LINGO2: variants seen among roughly 807,000 people sequenced by gnomAD.
The protein encoded by LINGO2 is leucine-rich repeat and immunoglobulin-like domain-containing nogo receptor-interacting protein 2.
Under a neutral mutation model 30.6 loss-of-function variants are expected in LINGO2, and 14 were observed. The observed-to-expected ratio is 0.46, with a 90% CI of 0.30 to 0.72. The LOEUF (loss-of-function observed/expected upper bound fraction) is 0.72. LINGO2 is among the 30% of genes least tolerant of loss of function. The pLI is 0.07. For missense variants in LINGO2, 729 were observed against 751.7 expected (o/e 0.97, Z 0.35); for synonymous variants, 317 against 288.5 (o/e 1.10, Z -1.00).
chr9:28,552,820 T>G (rs1277030210), intron 1 of LINGO2, among the ~76,000 whole-genome samples: 1 of 151,734 alleles, frequency 6.6e-6, no homozygotes, highest in Non-Finnish European at 1.5e-5. Flanking sequence ...TGGAACAGCT[T>G]TTCAACTTTA....
chr9:28,158,651 T>C (rs1828202284), intron 4 of LINGO2, among the ~76,000 whole-genome samples: 1 of 152,070 alleles, frequency 6.6e-6, no homozygotes, highest in Non-Finnish European at 1.5e-5. Flanking sequence ...TGTTATGATA[T>C]CCCTAGGGTA....
chr9:27,977,732 T>C (rs1820668802), intron 5 of LINGO2, among the ~76,000 whole-genome samples: 1 of 151,516 alleles, frequency 6.6e-6, no homozygotes, highest in African/African-American at 2.4e-5. Context: ...AGCCTGAATA[T>C]GTCACTACCC....
intron 1 of LINGO2, among the ~76,000 whole-genome samples, chr9:28,571,693 A>G (rs1823702825): frequency 6.6e-6 from 1 of 152,018 alleles, no homozygotes; most frequent in Non-Finnish European, 1.5e-5. Flanking sequence ...ATAGGCAGAC[A>G]TTTTAAAATG....
chr9:28,339,210 A>T (rs1825686240), intron 3 of LINGO2, among the ~76,000 whole-genome samples: 1 of 93,906 alleles, frequency 1.1e-5, no homozygotes, highest in Non-Finnish European at 3.0e-5. Context: ...TACAAATAAA[A>T]TTAATGGATT....
the LINGO2 span, among the ~76,000 whole-genome samples, chr9:28,684,175 C>CTTTTTTTTTTTTTTTTTTTT: frequency 8.8e-5 from 4 of 45,438 alleles, no homozygotes; most frequent in Non-Finnish European, 1.1e-4. Flanking sequence ...AAATGTTTAT[C>CTTTTTTTTTTTTTTTTTTTT]TTTTTTTTTT....
chr9:29,143,538 G>A, the LINGO2 span, among the ~76,000 whole-genome samples: 1 of 151,936 alleles, frequency 6.6e-6, no homozygotes, highest in Admixed American at 6.6e-5. Context: ...TTAGACAAAG[G>A]TACCGAGAGT....
intron 1 of LINGO2, among the ~76,000 whole-genome samples, chr9:28,537,870 T>TAA (rs61437576): frequency 0.03 from 4,153 of 138,282 alleles, 200 homozygotes; most frequent in African/African-American, 0.1. Context: ...AGTGTTAAAT[T>TAA]AAAAAAAAAA....
chr9:28,599,805 G>A (rs766795360), intron 1 of LINGO2, among the ~76,000 whole-genome samples: 7 of 151,982 alleles, frequency 4.6e-5, no homozygotes, highest in Admixed American at 2.0e-4. Context: ...TTATAGAAAC[G>A]CTTTTTCTAT....
chr9:29,134,948 T>C, the LINGO2 span, among the ~76,000 whole-genome samples: 5 of 151,662 alleles, frequency 3.3e-5, no homozygotes, highest in East Asian at 3.9e-4. Context: ...AGTTTAACCA[T>C]AGCCTCATCA....
intron 4 of LINGO2, among the ~76,000 whole-genome samples, chr9:28,271,798 C>G (rs1822950179): frequency 6.6e-6 from 1 of 152,154 alleles, no homozygotes; most frequent in South Asian, 2.1e-4. Flanking sequence ...GCCTCCAAAG[C>G]TTTCTTACTC....
intron 5 of LINGO2, among the ~76,000 whole-genome samples, chr9:27,993,861 G>T (rs981545112): frequency 1.6e-4 from 24 of 151,818 alleles, no homozygotes; most frequent in Non-Finnish European, 3.5e-4. Context: ...CATTCTTTTT[G>T]TGAGCACCTG....
the LINGO2 span, among the ~76,000 whole-genome samples, chr9:28,794,236 A>G: frequency 1.3e-5 from 2 of 152,168 alleles, no homozygotes; most frequent in African/African-American, 4.8e-5. Flanking sequence ...TCCGGGAGGC[A>G]GAGGTTGCAG....
the LINGO2 span, among the ~76,000 whole-genome samples, chr9:29,091,965 G>T: frequency 6.6e-6 from 1 of 151,852 alleles, no homozygotes; most frequent in African/African-American, 2.4e-5. Context: ...ATTATATGTG[G>T]TCCTAAATAG....
At chr9:28,275,858 AG>A (rs1823098282) in intron 4 of LINGO2, among the ~76,000 whole-genome samples, 1 of 152,206 alleles carries the variant, frequency 6.6e-6, no homozygotes, top group African/African-American at 2.4e-5. Context: ...GGAACATTCA[AG>A]CTTGACCTGA....
At chr9:28,857,227 A>G in the LINGO2 span, among the ~76,000 whole-genome samples, 3 of 152,038 alleles carry the variant, frequency 2.0e-5, no homozygotes, top group Non-Finnish European at 4.4e-5. Flanking sequence ...AATTTTCTAG[A>G]GAAAGTATAG....
chr9:29,011,810 T>C, the LINGO2 span, among the ~76,000 whole-genome samples: 1 of 152,172 alleles, frequency 6.6e-6, no homozygotes, highest in African/African-American at 2.4e-5. Context: ...TTATACCTTA[T>C]GAAGTAGTTC....
At chr9:28,387,982 C>T (rs1044360561) in intron 2 of LINGO2, among the ~76,000 whole-genome samples, 8 of 152,132 alleles carry the variant, frequency 5.3e-5, no homozygotes, top group African/African-American at 1.9e-4. Context: ...AAGAACCCAC[C>T]AATTCTGGAC....
At chr9:29,010,819 T>G in the LINGO2 span, among the ~76,000 whole-genome samples, 2 of 151,850 alleles carry the variant, frequency 1.3e-5, no homozygotes, top group Non-Finnish European at 2.9e-5. Context: ...GAGGAGGAGG[T>G]TGCAGTGAGC....
At chr9:29,204,149 T>C in the LINGO2 span, among the ~76,000 whole-genome samples, 13 of 152,116 alleles carry the variant, frequency 8.5e-5, no homozygotes, top group African/African-American at 2.7e-4. Flanking sequence ...GATAGGGAAG[T>C]ATAGCATGTA....
Sources: gnomAD v4.1 joint callset for allele counts (sites outside exome capture counted in the v4.1 genomes callset) on GRCh38, gnomAD v4.1.1 for gene constraint, MANE v1.5 for transcripts, NCBI Gene and HGNC (gene_info 2026-07-23, HGNC 2026-07-21) for gene names.